The following CRACD variants were observed in gnomAD, a reference collection of about 807,000 sequenced individuals.
The protein encoded by CRACD is capping protein-inhibiting regulator of actin dynamics.
In CRACD, 56 loss-of-function variants were observed where a neutral mutation model predicts 106.8. The ratio of observed to expected loss-of-function variants is 0.52; its 90% CI spans 0.42 to 0.66. The LOEUF is 0.66. Ranked by LOEUF, CRACD falls within the 30% of genes least tolerant of loss-of-function variation. CRACD has a pLI of 0.00. For missense variants in CRACD, 1,730 were observed against 1,623.2 expected (o/e 1.07, Z -1.13); for synonymous variants, 754 against 670.8 (o/e 1.12, Z -1.92).
chr4:56,181,619 A>G (rs946058936), intron 2 of CRACD, among the ~76,000 whole-genome samples: 12 of 152,162 alleles, frequency 7.9e-5, no homozygotes, highest in South Asian at 4.1e-4. Context: ...GAAGTCCAAA[A>G]TCAAGTTAGG....
At position 56,300,136 on chromosome 4, in the gene CRACD, C is replaced by CA. The variant is rs1163363456; in HGVS notation, c.120+1797dup. On this transcript the variant is annotated intron_variant, in intron 4 of 10. Coordinates refer to ENST00000682029, the MANE Select transcript of CRACD (RefSeq NM_001393381.1). ...CTGGCGACAGAGAGAGATTTCCTCT[C>CA]AAAAAAAAAAGAAAATTATTTGTGA... is the stretch of plus-strand genomic sequence containing the variant. 8.6e-3 allele frequency among the ~76,000 whole-genome samples: 1,263 copies of CA among 146,914 alleles called. 15 individuals carry two copies. Among genetic ancestry groups the CA allele is most frequent in the African/African-American group, 0.028 (1,118 of 39,940 alleles).
intron 3 of CRACD, among the ~76,000 whole-genome samples, chr4:56,283,917 C>A (rs918530701): frequency 6.6e-6 from 1 of 152,134 alleles, no homozygotes; most frequent in African/African-American, 2.4e-5. Context: ...TGGAGCAGCT[C>A]CCTGGTTTAA....
intron 2 of CRACD, among the ~76,000 whole-genome samples, chr4:56,259,842 T>A (rs1741592600): frequency 6.6e-6 from 1 of 152,080 alleles, no homozygotes; most frequent in South Asian, 2.1e-4. Flanking sequence ...TGCTGTACAA[T>A]GGAAGTGAGG....
At chr4:56,068,802 T>C (rs973766286) in intron 1 of CRACD, among the ~76,000 whole-genome samples, 1 of 152,060 alleles carries the variant, frequency 6.6e-6, no homozygotes, top group African/African-American at 2.4e-5. Flanking sequence ...TTTTGGACAG[T>C]TTAAGTGCTG....
In CRACD at chr4:56,307,441, GC is replaced by G. The variant is rs765572636; in HGVS notation, c.121-92del. On this transcript the variant is annotated intron_variant, in intron 4 of 10. Transcript: ENST00000682029. ...TAGAAATCAGTTGTGCACAAGGTAT[GC>G]CTCAGTGCTCACTAGACATGCTGGA... The G allele has an allele frequency of 2.7e-4, 323 of 1,181,486 alleles. 1 individual carries two copies. Among genetic ancestry groups the G allele is most frequent in the Non-Finnish European group, 3.4e-4 (281 of 817,472 alleles). The allele number at this position is 1,181,486 out of a possible 1,614,324, so 73.2% of individuals were successfully genotyped here. A position where few individuals can be genotyped will look rare whatever the true frequency, so the allele number is the denominator to read the frequency against.
chr4:56,320,156 A>AC (rs1745982176), intron 8 of CRACD, among the ~76,000 whole-genome samples: 2 of 151,814 alleles, frequency 1.3e-5, no homozygotes, highest in Admixed American at 6.6e-5. Flanking sequence ...AAAAAAAAAA[A>AC]ACAAACCTTT....
intron 3 of CRACD, among the ~76,000 whole-genome samples, chr4:56,284,533 T>A (rs959727033): frequency 2.8e-4 from 42 of 152,152 alleles, no homozygotes; most frequent in Non-Finnish European, 5.3e-4. Context: ...AAGACTAGCC[T>A]GGCCAACATG....
At chr4:56,171,691 T>C (rs890039782) in intron 1 of CRACD, among the ~76,000 whole-genome samples, 1 of 152,176 alleles carries the variant, frequency 6.6e-6, no homozygotes, top group Non-Finnish European at 1.5e-5. Flanking sequence ...AGTGGTAAGC[T>C]TACAGACTAT....
chr4:56,076,690 T>G (rs1030393813), intron 1 of CRACD, among the ~76,000 whole-genome samples: 4 of 152,172 alleles, frequency 2.6e-5, no homozygotes, highest in African/African-American at 9.7e-5. Context: ...TTTCAGGACT[T>G]AACTTCCTCC....
intron 1 of CRACD, among the ~76,000 whole-genome samples, chr4:56,099,562 C>T (rs1577961641): frequency 6.6e-6 from 1 of 152,094 alleles, no homozygotes; most frequent in East Asian, 1.9e-4. Context: ...TCCCAGTGTC[C>T]TTTGATGGTT....
chr4:56,240,383 C>G (rs116526063), intron 2 of CRACD, among the ~76,000 whole-genome samples: 5 of 152,042 alleles, frequency 3.3e-5, no homozygotes, highest in Non-Finnish European at 5.9e-5. Flanking sequence ...AACTCATCAA[C>G]GCTGTTTTCT....
At chr4:56,173,952 G>T (rs569536095) in intron 1 of CRACD, among the ~76,000 whole-genome samples, 5 of 152,206 alleles carry the variant, frequency 3.3e-5, no homozygotes, top group African/African-American at 1.2e-4. Flanking sequence ...TCGTACTTTT[G>T]ATTTGTATTT....
chr4:56,164,761 A>G (rs1431555056), intron 1 of CRACD, among the ~76,000 whole-genome samples: 1 of 152,200 alleles, frequency 6.6e-6, no homozygotes, highest in Non-Finnish European at 1.5e-5. Flanking sequence ...CATGTATGTG[A>G]GCTGTATACA....
chr4:56,264,594 A>G (rs1258897048), intron 2 of CRACD, among the ~76,000 whole-genome samples: 2 of 152,222 alleles, frequency 1.3e-5, no homozygotes, highest in African/African-American at 2.4e-5. Flanking sequence ...CATGCTTTAC[A>G]AACAATTTGT....
At chr4:56,324,847 C>T (rs1323707531) in intron 10 of CRACD, among the ~76,000 whole-genome samples, 1 of 152,140 alleles carries the variant, frequency 6.6e-6, no homozygotes, top group Non-Finnish European at 1.5e-5. Flanking sequence ...TGAGCTGAAA[C>T]GTTTGCTCAG....
At chr4:56,105,505 A>C (rs1178582012) in intron 1 of CRACD, among the ~76,000 whole-genome samples, 1 of 152,202 alleles carries the variant, frequency 6.6e-6, no homozygotes, top group Non-Finnish European at 1.5e-5. Context: ...ATATAGATAT[A>C]CTAATCTGTA....
intron 6 of CRACD, 53 bp downstream of exon 6, chr4:56,310,787 C>A: frequency 1.8e-5 from 19 of 1,074,748 alleles, no homozygotes; most frequent in Non-Finnish European, 2.5e-5. Flanking sequence ...TAACTTTCAT[C>A]TTCCCCCCCC....
At chr4:56,316,746 C>G (rs1377837634) in intron 8 of CRACD, 57 bp downstream of exon 8, 1 of 1,435,998 alleles carries the variant, frequency 7.0e-7, no homozygotes, top group Non-Finnish European at 9.3e-7. Flanking sequence ...GCCAGGGCAT[C>G]AAGAAGAGAT....
intron 1 of CRACD, among the ~76,000 whole-genome samples, chr4:56,124,966 T>C (rs1351544814): frequency 4.6e-5 from 7 of 152,220 alleles, no homozygotes; most frequent in African/African-American, 1.7e-4. Flanking sequence ...GTATATTTAA[T>C]GATATGCTTT....
Sources: allele counts gnomAD v4.1 joint callset (sites outside exome capture counted in the v4.1 genomes callset), GRCh38; gene constraint gnomAD v4.1.1; transcripts MANE v1.5; gene names NCBI Gene and HGNC (gene_info 2026-07-23, HGNC 2026-07-21).